The following KRABD3 variants were observed in gnomAD, a reference collection of about 807,000 sequenced individuals.
The protein encoded by KRABD3 is KRAB domain-containing protein 3.
chr7:149,720,476 C>T, the KRABD3 span, among the ~76,000 whole-genome samples: 1 of 152,230 alleles, frequency 6.6e-6, no homozygotes, highest in Admixed American at 6.5e-5. Flanking sequence ...CTCCACCGGC[C>T]CAGACTGGGC....
chr7:149,733,767 C>T, the KRABD3 span: 1 of 1,593,864 alleles, frequency 6.3e-7, no homozygotes, highest in Non-Finnish European at 8.5e-7. Flanking sequence ...CTGTCCTCTA[C>T]ACCCAGCTGC....
the KRABD3 span, chr7:149,733,476 G>GC: frequency 1.9e-6 from 3 of 1,578,874 alleles, no homozygotes; most frequent in Admixed American, 3.7e-5. Context: ...CTGGGGAGGC[G>GC]CCCCCAAGGC....
the KRABD3 span, chr7:149,733,108 G>A: frequency 7.2e-7 from 1 of 1,387,100 alleles, no homozygotes; most frequent in Non-Finnish European, 9.8e-7. Context: ...GGGCCTTGGA[G>A]GAGGCAGAGT....
chr7:149,725,401 C>T, the KRABD3 span: 1 of 1,611,094 alleles, frequency 6.2e-7, no homozygotes, highest in Non-Finnish European at 8.5e-7. Flanking sequence ...TTCCCAGCTG[C>T]CACCCACTTC....
the KRABD3 span, chr7:149,715,291 G>A: frequency 8.2e-7 from 1 of 1,220,414 alleles, no homozygotes; most frequent in Non-Finnish European, 1.0e-6. Flanking sequence ...AACCCCCTTG[G>A]CGTGGCTTGT....
At chr7:149,725,075 A>G in the KRABD3 span, among the ~76,000 whole-genome samples, 1 of 152,066 alleles carries the variant, frequency 6.6e-6, no homozygotes, top group African/African-American at 2.4e-5. Flanking sequence ...CCTGAAAGCT[A>G]CCCCTGCTGA....
chr7:149,731,582 T>G, the KRABD3 span: 38 of 959,712 alleles, frequency 4.0e-5, no homozygotes, highest in Non-Finnish European at 5.7e-5. Context: ...GTTTAAAAGT[T>G]GAGAGTTTGA....
chr7:149,721,177 C>T, the KRABD3 span, among the ~76,000 whole-genome samples: 1 of 152,226 alleles, frequency 6.6e-6, no homozygotes, highest in South Asian at 2.1e-4. Flanking sequence ...GAGAGGGCAG[C>T]TCTGACTTTC....
chr7:149,730,603 G>A, the KRABD3 span: 4,866 of 1,600,080 alleles, frequency 3.0e-3, 68 homozygotes, highest in Admixed American at 0.044. Context: ...GCGCCCATGC[G>A]TTCCCCAGAG....
the KRABD3 span, among the ~76,000 whole-genome samples, chr7:149,726,405 TG>T: frequency 2.6e-5 from 4 of 151,532 alleles, no homozygotes; most frequent in African/African-American, 9.7e-5. Context: ...GAGACCAGCC[TG>T]GGCAACATAG....
chr7:149,720,815 T>C, the KRABD3 span: 6 of 1,553,936 alleles, frequency 3.9e-6, no homozygotes, highest in Non-Finnish European at 4.3e-6. Context: ...TGCGGGGGGG[T>C]CACTGTGGCC....
chr7:149,719,853 C>G, the KRABD3 span, among the ~76,000 whole-genome samples: 1 of 152,182 alleles, frequency 6.6e-6, no homozygotes. This position sits in a 1 kb window ranked among gnomAD's most constrained non-coding sequence, Gnocchi z 5.6. Flanking sequence ...TGGGGGTATG[C>G]GGCGGCCTCT....
chr7:149,725,438 A>G, the KRABD3 span: 1 of 1,611,994 alleles, frequency 6.2e-7, no homozygotes, highest in Non-Finnish European at 8.5e-7. Context: ...CAGCCAGGAG[A>G]CTCTAGGTCT....
chr7:149,725,444 G>C, the KRABD3 span: 47 of 1,612,272 alleles, frequency 2.9e-5, no homozygotes, highest in Non-Finnish European at 3.5e-5. Flanking sequence ...GGAGACTCTA[G>C]GTCTCAGAAG....
chr7:149,720,755 C>A, the KRABD3 span: 1 of 1,354,634 alleles, frequency 7.4e-7, no homozygotes, highest in South Asian at 1.4e-5. Context: ...ACGTGAGATG[C>A]TGGGTGTGAA....
At chr7:149,734,210 G>T in the KRABD3 span, 1 of 972,174 alleles carries the variant, frequency 1.0e-6, no homozygotes, top group Non-Finnish European at 1.5e-6. Context: ...GCCCCCAGGT[G>T]CTGTTTGCTC....
the KRABD3 span, chr7:149,721,131 C>T: frequency 1.1e-4 from 130 of 1,226,434 alleles, 1 homozygote; most frequent in South Asian, 6.8e-4. Context: ...GTGGCTAGGC[C>T]GTGTGCCGCC....
the KRABD3 span, chr7:149,721,588 C>T: frequency 5.7e-6 from 9 of 1,579,534 alleles, no homozygotes; most frequent in East Asian, 2.3e-5. Flanking sequence ...AAGCCCTGAT[C>T]GTGGCGTCAG....
chr7:149,722,522 C>T, the KRABD3 span: 1 of 1,608,064 alleles, frequency 6.2e-7, no homozygotes, highest in African/African-American at 1.3e-5. Context: ...GGAAGAGCCA[C>T]AGAGGACAGG....
Sources: gnomAD v4.1 joint callset for allele counts (sites outside exome capture counted in the v4.1 genomes callset) on GRCh38, gnomAD v4.1.1 for gene constraint, Gnocchi (gnomAD v3.1) non-coding constraint, MANE v1.5 for transcripts, NCBI Gene and HGNC (gene_info 2026-07-23, HGNC 2026-07-21) for gene names.